Variants in NDUFA7 observed in about 807,000 individuals in gnomAD.
NDUFA7 encodes NADH:ubiquinone oxidoreductase subunit A7.
NDUFA7 carries 18 observed loss-of-function variants against 14.2 expected under a neutral mutation model. The ratio of observed to expected loss-of-function variants is 1.27; its 90% confidence interval spans 0.88 to 1.88. The LOEUF is 1.88. Among genes scored for constraint, NDUFA7 ranks in the 40% most tolerant of loss-of-function variants. The pLI is 0.00. For missense variants in NDUFA7, 172 were observed against 147.3 expected (o/e 1.17, Z -0.87); for synonymous variants, 75 against 62.1 (o/e 1.21, Z -0.98).
At chr19:8,311,722 G>C in intron 3 of NDUFA7, 127 bp from the exon 4 acceptor site, 3 of 712,200 alleles carry the variant, frequency 4.2e-6, no homozygotes, top group Non-Finnish European at 6.8e-6. Context: ...CAGACAGCAG[G>C]GTGTTCCAGA....
At chr19:8,318,748 C>T (rs1478688238) in intron 2 of NDUFA7, among the ~76,000 whole-genome samples, 1 of 147,084 alleles carries the variant, frequency 6.8e-6, no homozygotes, top group African/African-American at 2.5e-5. Context: ...CCGAGGCGGG[C>T]AGATCACGAG....
chr19:8,316,584 A>T lies in NDUFA7; in HGVS notation c.163T>A (p.Cys55Ser). ...PSHKLSNNYY[C>S]TRDGRRESVP... ...GATTCCCGGCGGCCATCGCGAGTGC[A>T]ATAGTAATTGTTGGAGAGCTTGTGG... The change falls in exon 3 of 4, where the codon TGC becomes AGC. Residue 55 changes from cysteine to serine, a missense_variant. Transcript: ENST00000301457. The T allele has an allele frequency of 6.2e-7, 1 of 1,614,164 alleles. No individual in the cohort carries two copies. Among genetic ancestry groups the T allele is most frequent in the East Asian group, 2.2e-5 (1 of 44,880 alleles).
chr19:8,309,515 G>A (rs1970149634), downstream of NDUFA7, among the ~76,000 whole-genome samples: 1 of 151,902 alleles, frequency 6.6e-6, no homozygotes, highest in South Asian at 2.1e-4. Context: ...TGGTTCAGAT[G>A]CCGTCAGCGG....
chr19:8,315,348 C>T (rs1970220962), intron 3 of NDUFA7, among the ~76,000 whole-genome samples: 2 of 152,032 alleles, frequency 1.3e-5, no homozygotes, highest in South Asian at 4.2e-4. Flanking sequence ...GCATCTGTCT[C>T]CTGCCCTTCC....
In NDUFA7 at chr19:8,312,108, C is replaced by T. The variant is rs112715035; in HGVS notation, c.252-513G>A. On this transcript the variant is annotated intron_variant, in intron 3 of 3. Coordinates refer to ENST00000301457, the MANE Select transcript of NDUFA7 (RefSeq NM_005001.5). Reference sequence around the variant, plus strand: ...AGGCTGGTGGGGCTGAGAATCCATGCGCAAATGGCAACTGCAAAACGCATC... The same window carrying T: ...AGGCTGGTGGGGCTGAGAATCCATGTGCAAATGGCAACTGCAAAACGCATC... Among the ~76,000 whole-genome samples the T allele has an allele frequency of 7.8e-3, 1,182 of 152,290 alleles. 7 individuals are homozygous for T. Among genetic ancestry groups the T allele is most frequent in the Non-Finnish European group, 0.014 (925 of 68,022 alleles).
chr19:8,320,731 C>A, intron 2 of NDUFA7, 126 bp downstream of exon 2: 1 of 1,191,254 alleles, frequency 8.4e-7, no homozygotes, highest in East Asian at 2.4e-5. Context: ...TCTGCCTCCA[C>A]AGCCTGGCAG....
At chr19:8,321,045 G>C in intron 1 of NDUFA7, 139 bp from the exon 2 acceptor site, 2 of 1,004,002 alleles carry the variant, frequency 2.0e-6, no homozygotes, top group South Asian at 2.9e-5. Context: ...AACGGATGTG[G>C]GTCCTGCAGG....
At chr19:8,321,015 A>T in intron 1 of NDUFA7, 109 bp from the exon 2 acceptor site, 1 of 1,289,436 alleles carries the variant, frequency 7.8e-7, no homozygotes, top group Non-Finnish European at 1.1e-6. Flanking sequence ...AAGGGAAGGC[A>T]GGGGATGAAC....
intron 2 of NDUFA7, 167 bp from the exon 3 acceptor site, chr19:8,316,812 G>A (rs1031570989): frequency 1.0e-5 from 8 of 764,398 alleles, no homozygotes; most frequent in Admixed American, 5.7e-5. Flanking sequence ...ATATGCCTGG[G>A]GAGGGGTCCT....
chr19:8,317,480 G>C (rs771405237), intron 2 of NDUFA7, among the ~76,000 whole-genome samples: 17 of 152,142 alleles, frequency 1.1e-4, no homozygotes, highest in Non-Finnish European at 1.8e-4. Context: ...CTACACTCCA[G>C]CCTGGGCGAC....
rs756602427 is a variant in NDUFA7 at position 8,316,530 on chromosome 19, G to T, written c.217C>A (p.Gln73Lys). The T allele has an allele frequency of 3.1e-5, 50 of 1,613,970 alleles. No individual in the cohort carries two copies. Among genetic ancestry groups the T allele is most frequent in the Non-Finnish European group, 4.2e-5 (49 of 1,180,028 alleles). The change falls in exon 3 of 4, where the codon CAG becomes AAG. Residue 73 changes from glutamine to lysine, a missense_variant. Gln to Lys is a moderately conservative substitution (Grantham distance 53). Coordinates refer to ENST00000301457, the MANE Select transcript of NDUFA7 (RefSeq NM_005001.5). ...SVPPSIIMSS[Q>K]KALVSGKPAE... ...GGCTTGCCTGACACCAGCGCCTTCT[G>T]CGACGACATGATGATGGAAGGGGGC... is the stretch of plus-strand genomic sequence containing the variant.
At chr19:8,312,916 C>T (rs1344210590) in intron 3 of NDUFA7, among the ~76,000 whole-genome samples, 2 of 152,246 alleles carry the variant, frequency 1.3e-5, no homozygotes, top group East Asian at 1.9e-4. Flanking sequence ...CCACCCGCCT[C>T]GGCCTCCCAA....
downstream of NDUFA7, among the ~76,000 whole-genome samples, chr19:8,309,864 G>A (rs1385502714): frequency 6.6e-6 from 1 of 152,130 alleles, no homozygotes; most frequent in Non-Finnish European, 1.5e-5. Context: ...GCCAGACTTG[G>A]ACACCCTCCC....
intron 3 of NDUFA7, among the ~76,000 whole-genome samples, chr19:8,315,669 G>A (rs1235307520): frequency 2.0e-5 from 3 of 152,000 alleles, no homozygotes; most frequent in Non-Finnish European, 2.9e-5. Context: ...CTCAGAGGCC[G>A]GGTGGATCCT....
chr19:8,321,262 C>T, intron 1 of NDUFA7, 46 bp downstream of exon 1: 1 of 1,504,472 alleles, frequency 6.6e-7, no homozygotes, highest in Non-Finnish European at 8.9e-7. Flanking sequence ...CCCGGACACA[C>T]GGAGCCCGAA....
chr19:8,312,806 G>A (rs867298013), intron 3 of NDUFA7, among the ~76,000 whole-genome samples: 1 of 152,012 alleles, frequency 6.6e-6, no homozygotes, highest in Non-Finnish European at 1.5e-5. Flanking sequence ...CTGGGCCTAC[G>A]GGTGCACACC....
chr19:8,313,234 CTTT>C (rs1422481406), intron 3 of NDUFA7, among the ~76,000 whole-genome samples: 1 of 140,768 alleles, frequency 7.1e-6, no homozygotes, highest in Non-Finnish European at 1.6e-5. Context: ...TCACAGAGTT[CTTT>C]TTTTTTTTTT....
intron 3 of NDUFA7, among the ~76,000 whole-genome samples, chr19:8,314,926 G>A (rs1970216196): frequency 1.3e-5 from 2 of 152,146 alleles, no homozygotes; most frequent in Admixed American, 6.6e-5. Context: ...GATTGTTAAT[G>A]TGTCTGTGTA....
At chr19:8,316,682 C>G (rs749987452) in intron 2 of NDUFA7, 37 bp from the exon 3 acceptor site, 10 of 1,608,030 alleles carry the variant, frequency 6.2e-6, no homozygotes, top group South Asian at 1.1e-5. Context: ...AGCAAAGAGA[C>G]AGTCACTGTC....
Sources: gnomAD v4.1 joint callset for allele counts (sites outside exome capture counted in the v4.1 genomes callset) on GRCh38, gnomAD v4.1.1 for gene constraint, MANE v1.5 for transcripts, NCBI Gene and HGNC (gene_info 2026-07-23, HGNC 2026-07-21) for gene names.